The following VPS53 variants were observed in gnomAD, a reference collection of about 807,000 sequenced individuals.
VPS53 encodes the protein vacuolar protein sorting-associated protein 53 homolog.
In VPS53, 70 loss-of-function variants were observed where a neutral mutation model predicts 107.0. That is an observed-to-expected ratio of 0.65 (90% CI 0.54 to 0.80). The LOEUF (loss-of-function observed/expected upper bound fraction) is 0.80. VPS53 is among the 30% of genes least tolerant of loss of function. The pLI is 0.00. For synonymous variants in VPS53, 409 were observed against 393.3 expected, an observed-to-expected ratio of 1.04 and a Z score of -0.47; for missense variants, 917 against 1,049.4, an observed-to-expected ratio of 0.87 and a Z score of 1.74.
chr17:552,074 A>G (rs1466953883), intron 16 of VPS53, 124 bp from the exon 17 acceptor site: 2 of 847,162 alleles, frequency 2.4e-6, no homozygotes, highest in Non-Finnish European at 3.5e-6. Context: ...GCTTTAATTA[A>G]TGACAGCGGA....
rs568466888 is a variant in VPS53, at chr17:650,842, C to T, written c.608+2449G>A. On this transcript the variant is annotated intron_variant, in intron 7 of 21. Coordinates refer to ENST00000437048, the MANE Select transcript of VPS53 (RefSeq NM_001128159.3). Reference sequence around the variant, plus strand: ...TGGTGAAATAATCTGTGGTATGTCACGCTATGGGGTTCTGTGCATCAATTC... The same window carrying T: ...TGGTGAAATAATCTGTGGTATGTCATGCTATGGGGTTCTGTGCATCAATTC... 4.9e-4 allele frequency among the ~76,000 whole-genome samples: 74 copies of T among 152,228 alleles called. 1 individual carries two copies. The South Asian group carries it at 0.013, about 27-fold the overall frequency.
chr17:573,500 C>T (rs1057506832), intron 13 of VPS53, among the ~76,000 whole-genome samples: 3 of 152,110 alleles, frequency 2.0e-5, no homozygotes, highest in Admixed American at 2.0e-4. Context: ...AGAAGGTGGA[C>T]CCCATGCCAG....
chr17:597,861 T>A (rs1968051599), intron 12 of VPS53, among the ~76,000 whole-genome samples: 1 of 151,984 alleles, frequency 6.6e-6, no homozygotes, highest in South Asian at 2.1e-4. Context: ...TGAGCCACCA[T>A]TCCCGGCCAT....
chr17:658,162 T>A (rs57068432), intron 5 of VPS53, among the ~76,000 whole-genome samples: 19 of 89,400 alleles, frequency 2.1e-4, no homozygotes, highest in South Asian at 7.7e-4. Flanking sequence ...TCGTGGATAG[T>A]TACATCCCAC....
chr17:679,725 T>C (rs1160361960), intron 4 of VPS53, among the ~76,000 whole-genome samples: 2 of 152,226 alleles, frequency 1.3e-5, no homozygotes, highest in Non-Finnish European at 2.9e-5. Context: ...ACCTTGATAA[T>C]GGGTCAATTG....
At chr17:589,004 T>C (rs1967487968) in intron 12 of VPS53, among the ~76,000 whole-genome samples, 3 of 152,148 alleles carry the variant, frequency 2.0e-5, no homozygotes, top group Non-Finnish European at 4.4e-5. Flanking sequence ...TATCATGGAT[T>C]CAGATTTGGA....
intron 11 of VPS53, 112 bp from the exon 12 acceptor site, chr17:602,008 A>T (rs1968349871): frequency 1.2e-5 from 9 of 768,900 alleles, no homozygotes; most frequent in Non-Finnish European, 1.7e-5. Context: ...ACGCTATCTG[A>T]TAAAGAAGAA....
intron 12 of VPS53, among the ~76,000 whole-genome samples, chr17:596,890 T>C (rs1216759522): frequency 6.6e-6 from 1 of 152,182 alleles, no homozygotes; most frequent in Non-Finnish European, 1.5e-5. Context: ...TGGAGTTTGG[T>C]GGAATAATAA....
chr17:662,516 C>T lies in VPS53; in HGVS notation c.286-621G>A, dbSNP rs534778730. Among the ~76,000 whole-genome samples, 38 of 151,966 alleles carry T rather than the reference C, an allele frequency of 2.5e-4. 1 individual carries two copies. Among genetic ancestry groups the T allele is most frequent in the Middle Eastern group, 3.4e-3 (1 of 294 alleles). ...CATCCTGGCTAACACGGTGAAACCC[C>T]ATCTCTACTAAAAATACAAAAAACT... On this transcript the variant is annotated intron_variant, in intron 4 of 21. Coordinates refer to ENST00000437048, the MANE Select transcript of VPS53 (RefSeq NM_001128159.3).
At chr17:529,992 T>C (rs566040106) in intron 19 of VPS53, among the ~76,000 whole-genome samples, 2 of 151,922 alleles carry the variant, frequency 1.3e-5, no homozygotes, top group African/African-American at 4.8e-5. Context: ...GCTATGATTG[T>C]GCCACTGTAC....
rs551113377 is a variant in VPS53 at position 699,982 on chromosome 17, T to A, written c.169-602A>T. ...AGGAAAGGCCTTCTGAAGATTTTTT[T>A]AAATGTTTTATTTCTTGATCTGGGT... On this transcript the variant is annotated intron_variant, in intron 2 of 21. Coordinates refer to ENST00000437048, the MANE Select transcript of VPS53 (RefSeq NM_001128159.3). 5.3e-5 allele frequency among the ~76,000 whole-genome samples: 8 copies of A among 152,330 alleles called. No individual in the cohort carries two copies. In the South Asian group the frequency reaches 1.0e-3, roughly 20 times the overall value.
At chr17:708,553 C>G (rs1327855843) in intron 2 of VPS53, among the ~76,000 whole-genome samples, 1 of 152,194 alleles carries the variant, frequency 6.6e-6, no homozygotes, top group Non-Finnish European at 1.5e-5. Flanking sequence ...CTCCGGATGA[C>G]TGTGGGCAGG....
chr17:684,846 G>C (rs970455990), intron 4 of VPS53, among the ~76,000 whole-genome samples: 3 of 152,096 alleles, frequency 2.0e-5, no homozygotes, highest in African/African-American at 7.2e-5. Flanking sequence ...AAATTAGCCA[G>C]GCATGGTGGC....
chr17:594,482 T>C (rs1264599208), intron 12 of VPS53, among the ~76,000 whole-genome samples: 2 of 148,108 alleles, frequency 1.4e-5, no homozygotes, highest in Non-Finnish European at 1.5e-5. Context: ...AGCTGGGAGA[T>C]GGGAAGGGGT....
chr17:606,718 G>A (rs960273955), intron 11 of VPS53, among the ~76,000 whole-genome samples: 6 of 152,166 alleles, frequency 3.9e-5, no homozygotes, highest in African/African-American at 1.4e-4. Context: ...CCTGGGCTCC[G>A]CCTCCTGTCA....
intron 4 of VPS53, among the ~76,000 whole-genome samples, chr17:695,465 C>T (rs559135294): frequency 4.1e-4 from 62 of 152,200 alleles, no homozygotes; most frequent in African/African-American, 1.4e-3. Context: ...GCTCGTAGAG[C>T]ACAAAGTCTT....
At position 518,897 on chromosome 17, in the gene VPS53, C is replaced by T. The variant is rs981889760; in HGVS notation, c.*231G>A. ...ATCCTCCACTGCTGCCTCTGCTTCACGAACCAGAGATCACCTAAATCGCCC... is the reference window on the plus strand; with the variant it reads ...ATCCTCCACTGCTGCCTCTGCTTCATGAACCAGAGATCACCTAAATCGCCC... On this transcript the variant is annotated 3_prime_UTR_variant, in exon 22 of 22. Transcript: ENST00000437048. The T allele has an allele frequency of 4.4e-5, 19 of 428,588 alleles. No homozygotes were observed. The highest frequency in any genetic ancestry group is 1.1e-4 in the South Asian group (2 of 18,450). The allele number at this position is 428,588 out of a possible 1,614,324, so 26.5% of individuals were successfully genotyped here.
intron 7 of VPS53, among the ~76,000 whole-genome samples, chr17:653,052 G>C (rs1038669108): frequency 2.0e-5 from 3 of 152,102 alleles, no homozygotes; most frequent in African/African-American, 4.8e-5. Flanking sequence ...CTTTTGGAAA[G>C]TTTAGCTGCC....
At chr17:521,130 G>A (rs569844799) in intron 20 of VPS53, among the ~76,000 whole-genome samples, 3 of 152,298 alleles carry the variant, frequency 2.0e-5, no homozygotes, top group South Asian at 4.1e-4. Flanking sequence ...TTCCTCACTC[G>A]AAGTACAGTC....
Sources: gnomAD v4.1 joint callset for allele counts (sites outside exome capture counted in the v4.1 genomes callset) on GRCh38, gnomAD v4.1.1 for gene constraint, MANE v1.5 for transcripts, NCBI Gene and HGNC (gene_info 2026-07-23, HGNC 2026-07-21) for gene names.